The following DEFB109B variants were observed in gnomAD, a reference collection of about 807,000 sequenced individuals.
The protein encoded by DEFB109B is defensin beta 109B.
upstream of DEFB109B, among the ~76,000 whole-genome samples, chr8:7,312,254 A>C (rs1171954867): frequency 7.3e-6 from 1 of 137,582 alleles, no homozygotes; most frequent in Non-Finnish European, 1.5e-5. Context: ...TCAATTACAG[A>C]GATAGGCTCC....
chr8:7,313,772 T>A (rs1802767029), intron 1 of DEFB109B, among the ~76,000 whole-genome samples: 1 of 132,136 alleles, frequency 7.6e-6, no homozygotes, highest in African/African-American at 4.1e-5. Context: ...ATGAAACAAA[T>A]GAGAAAAAAC....
At chr8:7,311,983 CATA>C (rs1802631795), upstream of DEFB109B, among the ~76,000 whole-genome samples, 1 of 127,756 alleles carries the variant, frequency 7.8e-6, no homozygotes, top group Non-Finnish European at 1.5e-5. Context: ...TATTTTACTT[CATA>C]ATAAGATAAT....
chr8:7,311,932 A>T (rs1322737448), upstream of DEFB109B, among the ~76,000 whole-genome samples: 1 of 119,692 alleles, frequency 8.4e-6, no homozygotes, highest in Non-Finnish European at 1.6e-5. Context: ...TAATTTTACA[A>T]AGCTCTTTTG....
At chr8:7,319,393 G>A (rs532583275) in intron 1 of DEFB109B, 3 of 145,386 alleles carry the variant, frequency 2.1e-5, no homozygotes, top group Non-Finnish European at 4.4e-5. Context: ...TCAGCCACAA[G>A]GTGGAAGCAC....
chr8:7,319,245 A>T (rs1428335543), intron 1 of DEFB109B: 4 of 135,678 alleles, frequency 2.9e-5, no homozygotes, highest in African/African-American at 1.4e-4. Flanking sequence ...CAAAAAAAAA[A>T]AAAAAGAGAG....
Position 7,315,671 on chromosome 8 carries a change from CCTT to C in DEFB109B, n.58+2772_58+2774del, listed in dbSNP as rs996387810. On this transcript the variant is annotated intron_variant and non_coding_transcript_variant, in intron 1 of 1. Coordinates refer to ENST00000382656, the Ensembl canonical transcript of DEFB109B. Reference sequence around the variant, plus strand: ...ACATTTGCTTGAGGTTCACTTGTTTCCTTCTTATCTCCATCAAGGGCAGCTTCC... The same window carrying C: ...ACATTTGCTTGAGGTTCACTTGTTTCCTTATCTCCATCAAGGGCAGCTTCC... Among the ~76,000 whole-genome samples, 12 of 132,068 alleles carry C rather than the reference CCTT, an allele frequency of 9.1e-5. 1 individual carries two copies. The East Asian group carries it at 1.3e-3, about 14-fold the overall frequency. The allele number at this position is 132,068 out of a possible 152,430, so 86.6% of individuals were successfully genotyped here. A position where few individuals can be genotyped will look rare whatever the true frequency, so the allele number is the denominator to read the frequency against.
At chr8:7,316,885 C>T (rs2128806542) in intron 1 of DEFB109B, among the ~76,000 whole-genome samples, 1 of 128,572 alleles carries the variant, frequency 7.8e-6, no homozygotes, top group South Asian at 2.3e-4. Context: ...TCGTGATCCA[C>T]CCGCCTCGGC....
In DEFB109B at chr8:7,319,872, C is replaced by A. The variant is rs905750641; in HGVS notation, n.185C>A. 60 of 74,226 alleles carry A rather than the reference C, an allele frequency of 8.1e-4. 1 individual carries two copies. Among genetic ancestry groups the A allele is most frequent in the African/African-American group, 4.9e-3 (59 of 12,002 alleles). 4.6% of individuals were successfully genotyped at this position (74,226 alleles called of 1,614,324 possible). ...CGAAGAAGGATGAAGTGCTGTAGAGCATGGTGGATTTTAATGCCAATTCCA... is the reference window on the plus strand; with the variant it reads ...CGAAGAAGGATGAAGTGCTGTAGAGAATGGTGGATTTTAATGCCAATTCCA... On this transcript the variant is annotated non_coding_transcript_exon_variant, in exon 2 of 2. Transcript: ENST00000382656.
chr8:7,316,716 T>G (rs1585317229), intron 1 of DEFB109B, among the ~76,000 whole-genome samples: 1 of 144,460 alleles, frequency 6.9e-6, no homozygotes, highest in East Asian at 1.9e-4. Context: ...AACCTCCACC[T>G]CCTGGGTTCA....
intron 1 of DEFB109B, chr8:7,319,539 C>A (rs1307958592): frequency 7.4e-6 from 1 of 135,836 alleles, no homozygotes; most frequent in East Asian, 2.1e-4. Flanking sequence ...CTTTTCCCCA[C>A]CAAAAATGCA....
At chr8:7,316,951 A>AT (rs1307324487) in intron 1 of DEFB109B, among the ~76,000 whole-genome samples, 2 of 121,210 alleles carry the variant, frequency 1.7e-5, no homozygotes, top group African/African-American at 8.9e-5. Flanking sequence ...AGACCTGCCC[A>AT]TTTTTTCTAT....
At chr8:7,315,236 G>C (rs1802826360) in intron 1 of DEFB109B, among the ~76,000 whole-genome samples, 1 of 114,822 alleles carries the variant, frequency 8.7e-6, no homozygotes, top group Non-Finnish European at 1.6e-5. Context: ...CCATTAGTGG[G>C]GCCACACGCG....
intron 1 of DEFB109B, chr8:7,318,576 C>G (rs1803088891): frequency 7.8e-6 from 1 of 128,270 alleles, no homozygotes; most frequent in Non-Finnish European, 1.5e-5. Flanking sequence ...TTAATAGGAT[C>G]CATTTATTAT....
chr8:7,309,703 T>C (rs1283638760), upstream of DEFB109B, among the ~76,000 whole-genome samples: 1 of 145,648 alleles, frequency 6.9e-6, no homozygotes, highest in South Asian at 2.1e-4. Context: ...CCCAAGAAGA[T>C]GATCAGGCAT....
chr8:7,309,554 G>A (rs1168271648), upstream of DEFB109B, among the ~76,000 whole-genome samples: 1 of 147,166 alleles, frequency 6.8e-6, no homozygotes, highest in Non-Finnish European at 1.5e-5. Flanking sequence ...TTCTAAATTA[G>A]AACTTAAACA....
chr8:7,319,933 T>C (rs1803213500), exon 2 of DEFB109B: 1 of 72,544 alleles, frequency 1.4e-5, no homozygotes, highest in Non-Finnish European at 2.5e-5. Context: ...AAGAACCCCT[T>C]AAACCTAACT....
At chr8:7,317,316 C>T (rs930451126) in intron 1 of DEFB109B, among the ~76,000 whole-genome samples, 1 of 145,706 alleles carries the variant, frequency 6.9e-6, no homozygotes, top group African/African-American at 2.8e-5. Flanking sequence ...GTCAGTAGTA[C>T]CACCATTAGC....
upstream of DEFB109B, among the ~76,000 whole-genome samples, chr8:7,312,251 C>T (rs1270290173): frequency 8.0e-5 from 11 of 137,042 alleles, no homozygotes; most frequent in Admixed American, 7.5e-4. Flanking sequence ...GAATCAATTA[C>T]AGAGATAGGC....
At chr8:7,319,480 C>A (rs879914529) in intron 1 of DEFB109B, 64 of 136,640 alleles carry the variant, frequency 4.7e-4, no homozygotes, top group Non-Finnish European at 8.7e-4. Context: ...CCCTTTCTGA[C>A]AGAAAACCCA....
Sources: allele counts gnomAD v4.1 joint callset (sites outside exome capture counted in the v4.1 genomes callset), GRCh38; gene constraint gnomAD v4.1.1; transcripts MANE v1.5; gene names NCBI Gene and HGNC (gene_info 2026-07-23, HGNC 2026-07-21).